Variants in RNASEH1 observed in about 807,000 individuals in gnomAD.
RNASEH1 encodes ribonuclease H type II.
In RNASEH1, 27 loss-of-function variants were observed where a neutral mutation model predicts 34.6. That is an observed-to-expected ratio of 0.78 (90% CI 0.58 to 1.08). The LOEUF is 1.08. Among genes scored for constraint, RNASEH1 ranks in the 50% least tolerant of loss-of-function variants. The pLI is 0.00. For synonymous variants in RNASEH1, 162 were observed against 138.4 expected, an observed-to-expected ratio of 1.17 and a Z score of -1.20; for missense variants, 349 against 373.6, an observed-to-expected ratio of 0.93 and a Z score of 0.54.
intron 4 of RNASEH1, among the ~76,000 whole-genome samples, chr2:3,549,926 A>G (rs1669120503): frequency 6.7e-6 from 1 of 148,794 alleles, no homozygotes; most frequent in African/African-American, 2.5e-5. Flanking sequence ...AGCCTGGGCG[A>G]TAGAGTGAGA....
chr2:3,550,103 A>G (rs1669140591), intron 4 of RNASEH1: 1 of 400,600 alleles, frequency 2.5e-6, no homozygotes, highest in Non-Finnish European at 4.6e-6. Context: ...TGTTTGTGCC[A>G]CTGTACTCCA....
the RNASEH1 span, among the ~76,000 whole-genome samples, chr2:3,532,613 A>G: frequency 1.3e-5 from 2 of 152,228 alleles, no homozygotes; most frequent in Non-Finnish European, 2.9e-5. Context: ...CCTGCAGGCA[A>G]CTGTCACACA....
At chr2:3,555,865 T>C (rs1660444498) in intron 2 of RNASEH1, among the ~76,000 whole-genome samples, 1 of 152,172 alleles carries the variant, frequency 6.6e-6, no homozygotes, top group Non-Finnish European at 1.5e-5. Flanking sequence ...GTACTTTCTA[T>C]AACACATAAA....
downstream of RNASEH1, among the ~76,000 whole-genome samples, chr2:3,541,269 C>T (rs1668284638): frequency 6.6e-6 from 1 of 150,554 alleles, no homozygotes; most frequent in Non-Finnish European, 1.5e-5. Flanking sequence ...GCAGAGCTTA[C>T]AGTGAGCCAA....
rs554565995 is a variant in RNASEH1 at position 3,545,939 on chromosome 2, C to T, written c.775-68G>A. The T allele has an allele frequency of 3.4e-6, 4 of 1,177,106 alleles. No individual in the cohort carries two copies. In the African/African-American group the frequency reaches 4.5e-5, roughly 13 times the overall value. 72.9% of individuals were successfully genotyped at this position (1,177,106 alleles called of 1,614,324 possible). The stretch of plus-strand genomic sequence containing the variant: ...CATAAGCAACACATGACTATATTGT[C>T]ATCATAAAAAACCATTCAGAACAGA... On this transcript the variant is annotated intron_variant, in intron 7 of 7. Coordinates refer to ENST00000315212, the MANE Select transcript of RNASEH1 (RefSeq NM_002936.6).
At position 3,543,658 on chromosome 2, in the gene RNASEH1, C is replaced by T. The variant is rs935751870; in HGVS notation, c.*2127G>A. Among the ~76,000 whole-genome samples, 2 of 151,950 alleles carry T rather than the reference C, an allele frequency of 1.3e-5. No individual in the cohort carries two copies. Among genetic ancestry groups the T allele is most frequent in the Non-Finnish European group, 2.9e-5 (2 of 68,008 alleles). On this transcript the variant is annotated 3_prime_UTR_variant, in exon 8 of 8. Coordinates refer to ENST00000315212, the MANE Select transcript of RNASEH1 (RefSeq NM_002936.6). ...AGACAAGGACTTGCTGTCGCCCAGGCTGGAATGTGGTGGCATGGTCACAGC... is the reference window on the plus strand; with the variant it reads ...AGACAAGGACTTGCTGTCGCCCAGGTTGGAATGTGGTGGCATGGTCACAGC...
intron 2 of RNASEH1, among the ~76,000 whole-genome samples, chr2:3,555,813 T>C (rs890565673): frequency 3.9e-5 from 6 of 152,234 alleles, no homozygotes; most frequent in East Asian, 1.9e-4. Flanking sequence ...TCCAATTATA[T>C]TGGGAATTAA....
At chr2:3,549,721 C>T (rs1045481924) in intron 4 of RNASEH1, among the ~76,000 whole-genome samples, 1 of 151,356 alleles carries the variant, frequency 6.6e-6, no homozygotes, top group Admixed American at 6.6e-5. Context: ...CCGAGGTGGG[C>T]GGATCACGAG....
In RNASEH1 at chr2:3,548,059, C is replaced by A. The variant is rs764479136; in HGVS notation, c.650-4G>T. The stretch of plus-strand genomic sequence containing the variant: ...CCTTGAACCCAGTTAGTTATACCTA[C>A]AAAAATGCACGATCACTGGTGAGTC... On this transcript the variant is annotated splice_region_variant and splice_polypyrimidine_tract_variant and intron_variant, in intron 6 of 7. Transcript: ENST00000315212. 23 of 1,613,890 alleles carry A rather than the reference C, an allele frequency of 1.4e-5. No individual in the cohort carries two copies. Among genetic ancestry groups the A allele is most frequent in the Non-Finnish European group, 1.9e-5 (22 of 1,179,924 alleles).
At chr2:3,532,350 C>T in the RNASEH1 span, 2 of 702,296 alleles carry the variant, frequency 2.8e-6, no homozygotes, top group African/African-American at 3.5e-5. Context: ...GCGAGTGGTT[C>T]ACAGGTGCCA....
rs1668488727 is a variant in RNASEH1, at chr2:3,543,689, C to G, written c.*2096G>C. 6.6e-6 allele frequency among the ~76,000 whole-genome samples: 1 copy of G among 152,100 alleles called. No homozygotes were observed. ...TGTGGTGGCATGGTCACAGCTCACG[C>G]ATCCTCGACCTCCTGGGCCCAAGCG... is the stretch of plus-strand genomic sequence containing the variant. On this transcript the variant is annotated 3_prime_UTR_variant, in exon 8 of 8. Transcript: ENST00000315212.
chr2:3,534,915 A>G, the RNASEH1 span, among the ~76,000 whole-genome samples: 1 of 152,244 alleles, frequency 6.6e-6, no homozygotes, highest in African/African-American at 2.4e-5. Context: ...AAAAGGCCAA[A>G]TCCTGCATGA....
chr2:3,534,382 T>C, the RNASEH1 span: 1 of 152,298 alleles, frequency 6.6e-6, no homozygotes, highest in South Asian at 2.1e-4. Context: ...GCGGCAGGAA[T>C]GAACTAGAGC....
chr2:3,548,820 T>C, intron 5 of RNASEH1, 96 bp from the exon 6 acceptor site: 1 of 846,606 alleles, frequency 1.2e-6, no homozygotes, highest in South Asian at 1.5e-5. Context: ...ATCCCCTCTG[T>C]ACTGATTATA....
intron 5 of RNASEH1, 26 bp downstream of exon 5, chr2:3,549,032 A>T: frequency 6.3e-7 from 1 of 1,584,522 alleles, no homozygotes; most frequent in East Asian, 2.2e-5. Flanking sequence ...CAAAAAAGAG[A>T]GGCTTAAACG....
At position 3,549,087 on chromosome 2, in the gene RNASEH1, G is replaced by T; in HGVS notation, c.535C>A (p.Arg179=). ...PLNVGIRLPG[R]QTNQRAEIHA... ...ATTTCCGCTCTTTGGTTTGTCTGCC[G>T]CCCAGGAAGTCTAATGCCTACATTT... The change falls in exon 5 of 8, where the codon CGG becomes AGG. Residue 179 remains arginine, a synonymous_variant. Transcript: ENST00000315212. 6.2e-7 allele frequency: 1 copy of T among 1,613,456 alleles called. No individual in the cohort carries two copies. The highest frequency in any genetic ancestry group is 8.5e-7 in the Non-Finnish European group (1 of 1,179,452).
At chr2:3,548,108 C>T in intron 6 of RNASEH1, 53 bp from the exon 7 acceptor site, 2 of 1,605,434 alleles carry the variant, frequency 1.2e-6, no homozygotes, top group Non-Finnish European at 1.7e-6. Flanking sequence ...CTGCCTTTTT[C>T]ACCTCCTTAG....
At chr2:3,557,929 T>C in intron 1 of RNASEH1, 2 of 1,531,228 alleles carry the variant, frequency 1.3e-6, no homozygotes, top group Non-Finnish European at 1.8e-6. Context: ...CAAACAAGTC[T>C]TCGGTGCGTT....
In RNASEH1 at chr2:3,552,260, C is replaced by G. The variant is rs750326241; in HGVS notation, c.293G>C (p.Arg98Pro). ...ATCTCCATCCAGTGGCTCACGGAGTCGCTTGCTGGCTTTCGCCTCCGATTC... is the reference window on the plus strand; with the variant it reads ...ATCTCCATCCAGTGGCTCACGGAGTGGCTTGCTGGCTTTCGCCTCCGATTC... Reference protein sequence around the residue: ...GQESEAKASKRLREPLDGDGH... With the variant: ...GQESEAKASKPLREPLDGDGH... The change falls in exon 3 of 8, where the codon CGA (arginine) becomes CCA (proline). Residue 98 changes from arginine to proline, a missense_variant. Around this residue, in one of 2 missense-constraint regions of RNASEH1, gnomAD observed 256 missense variants for 240.7 expected, o/e 1.06. Coordinates refer to ENST00000315212, the MANE Select transcript of RNASEH1 (RefSeq NM_002936.6). 6.2e-7 allele frequency: 1 copy of G among 1,614,074 alleles called. No individual in the cohort carries two copies. The highest frequency in any genetic ancestry group is 1.1e-5 in the South Asian group (1 of 91,066).
Sources: allele counts gnomAD v4.1 joint callset (sites outside exome capture counted in the v4.1 genomes callset), GRCh38; gene constraint gnomAD v4.1.1; regional missense constraint gnomAD v4.1.1; transcripts MANE v1.5; gene names NCBI Gene and HGNC (gene_info 2026-07-23, HGNC 2026-07-21).